The following CLK1 variants were observed in gnomAD, a reference collection of about 807,000 sequenced individuals.
CLK1 encodes dual specificity protein kinase CLK1.
A neutral mutation model predicts 60.9 loss-of-function variants in CLK1; 40 were observed. The observed-to-expected ratio is 0.66, with a 90% CI of 0.51 to 0.86. The LOEUF (loss-of-function observed/expected upper bound fraction) is 0.86, where lower values mean the gene tolerates loss of function less well. CLK1 is among the 40% of genes least tolerant of loss of function. The probability of loss-of-function intolerance (pLI) is 0.00; values close to 1 mark genes in which losing one functional copy is unlikely to be tolerated. For synonymous variants in CLK1, 203 were observed against 184.4 expected (o/e 1.10, Z -0.82); for missense variants, 563 against 606.1 (o/e 0.93, Z 0.75).
intron 12 of CLK1, 85 bp from the exon 13 acceptor site, chr2:200,853,534 A>G: frequency 3.2e-6 from 4 of 1,242,390 alleles, no homozygotes; most frequent in Non-Finnish European, 4.4e-6. Context: ...CCATATATAT[A>G]TAACCACCAT....
chr2:200,853,800 G>A (rs1575074451), intron 12 of CLK1, 103 bp downstream of exon 12: 5 of 803,134 alleles, frequency 6.2e-6, no homozygotes, highest in African/African-American at 1.8e-5. Context: ...GGCCAACATC[G>A]TGCCACTCTA....
In CLK1 at chr2:200,862,857, A is replaced by G. The variant is rs2039163669; in HGVS notation, c.1-995T>C. On this transcript the variant is annotated intron_variant, in intron 1 of 12. Transcript: ENST00000321356. ...CCGTAAACGGACAAATGAAACTACC[A>G]AGGACTTTAATCACACACGAAGGCA... is the stretch of plus-strand genomic sequence containing the variant. 2.6e-5 allele frequency among the ~76,000 whole-genome samples: 4 copies of G among 152,358 alleles called. No homozygotes were observed. In the South Asian group the frequency reaches 8.3e-4, roughly 32 times the overall value.
intron 1 of CLK1, among the ~76,000 whole-genome samples, chr2:200,862,221 CCT>C (rs1420418928): frequency 2.0e-5 from 3 of 152,172 alleles, no homozygotes; most frequent in Non-Finnish European, 4.4e-5. Flanking sequence ...CGCTGTCAGG[CCT>C]CTGAGCCCAA....
In CLK1 at chr2:200,860,178, T is replaced by C. The variant is rs1485058376; in HGVS notation, c.428A>G (p.Asp143Gly). ...HRRKRTRSVEDDEEGHLICQS... is the reference protein window; with the variant it reads ...HRRKRTRSVEGDEEGHLICQS... ...ACAGATCAGGTGACCCTCCTCATCA[T>C]CCTCTACACTCCTGGTTCTTTTCCT... Residue 143 changes from aspartate (D) to glycine (G), a missense_variant, in exon 4 of 13, where the codon GAT (aspartate) becomes GGT (glycine). Physicochemically the swap from Asp to Gly is moderately conservative, Grantham distance 94. Coordinates refer to ENST00000321356, the MANE Select transcript of CLK1 (RefSeq NM_004071.4). 1 of 1,614,092 alleles carries C rather than the reference T, an allele frequency of 6.2e-7. No homozygotes were observed. Among genetic ancestry groups the C allele is most frequent in the Admixed American group, 1.7e-5 (1 of 60,010 alleles).
Position 200,855,083 on chromosome 2 carries a change from A to AGGGCT in CLK1, c.1058-2_1060dup (p.Leu354GlnfsTer3). On this transcript the variant is annotated frameshift_variant, in exon 10 of 13. Coordinates refer to ENST00000321356, the MANE Select transcript of CLK1 (RefSeq NM_004071.4). LOFTEE classifies it high-confidence loss of function. ...GACATCACATGGTTGGGACCACCCTAGGGCTGCAAAGCAAAGCAAAATTTA... is the reference window on the plus strand; with the variant it reads ...GACATCACATGGTTGGGACCACCCTAGGGCTGGGCTGCAAAGCAAAGCAAAATTTA... The AGGGCT allele has an allele frequency of 6.3e-7, 1 of 1,592,328 alleles. No individual in the cohort carries two copies. The highest frequency in any genetic ancestry group is 1.4e-5 in the African/African-American group (1 of 73,554).
intron 11 of CLK1, 57 bp from the exon 12 acceptor site, chr2:200,854,050 G>A (rs949795467): frequency 1.4e-5 from 16 of 1,167,734 alleles, no homozygotes; most frequent in Admixed American, 1.9e-5. Flanking sequence ...AAAACAGCTA[G>A]CAAAGGTATC....
chr2:200,854,634 T>C lies in CLK1; in HGVS notation c.1202A>G (p.His401Arg), dbSNP rs1201974986. The change falls in exon 11 of 13, where the codon CAT (histidine) becomes CGT (arginine). Residue 401 changes from histidine (H) to arginine (R), a missense_variant. Physicochemically the swap from His to Arg is conservative, Grantham distance 29. Coordinates refer to ENST00000321356, the MANE Select transcript of CLK1 (RefSeq NM_004071.4). ...AACGTACCTGGTTTTCTGTATCATA[T>C]GTTTTGGTAGAGGTCCAAGAATCCT... Reference protein sequence around the residue: ...MERILGPLPKHMIQKTRKRKY... With the variant: ...MERILGPLPKRMIQKTRKRKY... 6.2e-7 allele frequency: 1 copy of C among 1,600,330 alleles called. No individual in the cohort carries two copies. Among genetic ancestry groups the C allele is most frequent in the African/African-American group, 1.3e-5 (1 of 74,786 alleles).
At position 200,861,444 on chromosome 2, in the gene CLK1, T is replaced by C. The variant is rs752872239; in HGVS notation, c.184A>G (p.Ile62Val). The change falls in exon 3 of 13, where the codon ATA (isoleucine) becomes GTA (valine). Residue 62 changes from isoleucine (I) to valine (V), a missense_variant. Ile to Val is a conservative substitution (Grantham distance 29, BLOSUM62 3). This residue lies in a region of CLK1 where 198 missense variants were observed against 179.2 expected (regional missense o/e 1.10). Transcript: ENST00000321356. ...CGACTATGATAATCTTTCTCATTTA[T>C]AGACCTGCTTTCCAAATAATGGCTA... ...CDSHYLESRS[I>V]NEKDYHSRRY... 13 of 1,612,954 alleles carry C rather than the reference T, an allele frequency of 8.1e-6. No homozygotes were observed. The highest frequency in any genetic ancestry group is 1.6e-4 in the Middle Eastern group (1 of 6,080).
At chr2:200,858,872 T>C (rs1171057056) in intron 5 of CLK1, among the ~76,000 whole-genome samples, 1 of 150,512 alleles carries the variant, frequency 6.6e-6, no homozygotes, top group East Asian at 2.0e-4. Context: ...AAAAATTCTA[T>C]ACTATCTTAA....
At chr2:200,856,648 A>G in intron 9 of CLK1, 34 bp downstream of exon 9, 1 of 1,532,188 alleles carries the variant, frequency 6.5e-7, no homozygotes, top group Non-Finnish European at 8.8e-7. Context: ...CAATAAGGAA[A>G]TACAAAGGTT....
chr2:200,864,007 C>G, intron 1 of CLK1: 2 of 1,386,304 alleles, frequency 1.4e-6, no homozygotes, highest in Non-Finnish European at 1.9e-6. Flanking sequence ...GTTAACACCA[C>G]TGAGGACAAA....
chr2:200,858,391 G>A (rs2039078959), intron 5 of CLK1, among the ~76,000 whole-genome samples: 1 of 152,174 alleles, frequency 6.6e-6, no homozygotes, highest in African/African-American at 2.4e-5. Context: ...GGATACAGTG[G>A]GGAAAGAGTA....
intron 11 of CLK1, 96 bp from the exon 12 acceptor site, chr2:200,854,089 C>G: frequency 1.3e-6 from 1 of 759,960 alleles, no homozygotes; most frequent in Non-Finnish European, 2.1e-6. Context: ...GATCACTTTT[C>G]TAGAGATTTA....
chr2:200,861,409 A>G lies in CLK1; in HGVS notation c.219T>C (p.Ile73=), dbSNP rs2105741563. 1 of 1,614,082 alleles carries G rather than the reference A, an allele frequency of 6.2e-7. No individual in the cohort carries two copies. The highest frequency in any genetic ancestry group is 1.6e-4 in the Middle Eastern group (1 of 6,062). The change falls in exon 3 of 13, where the codon ATT becomes ATC. Residue 73 remains isoleucine, a synonymous_variant. Transcript: ENST00000321356. ...NEKDYHSRRY[I]DEYRNDYTQG... ...GAGTGTAGTCATTTCTGTACTCATCAATGTAGCGTCGACTATGATAATCTT... is the reference window on the plus strand; with the variant it reads ...GAGTGTAGTCATTTCTGTACTCATCGATGTAGCGTCGACTATGATAATCTT...
intron 9 of CLK1, among the ~76,000 whole-genome samples, chr2:200,855,525 T>G (rs1388941708): frequency 2.1e-4 from 32 of 152,088 alleles, no homozygotes; most frequent in Non-Finnish European, 2.9e-5. Flanking sequence ...CTCAGGAGGC[T>G]GAGGTGGGAC....
chr2:200,858,096 G>A lies in CLK1; in HGVS notation c.549-7C>T, dbSNP rs1466034333. ...TGCTACATGTCTACCTCCCCTGTTA[G>A]AAAGATGCATGCAAATTTAAGAATG... On this transcript the variant is annotated splice_polypyrimidine_tract_variant and splice_region_variant and intron_variant, in intron 5 of 12. Coordinates refer to ENST00000321356, the MANE Select transcript of CLK1 (RefSeq NM_004071.4). 6.4e-7 allele frequency: 1 copy of A among 1,555,530 alleles called. No homozygotes were observed. Among genetic ancestry groups the A allele is most frequent in the Non-Finnish European group, 8.9e-7 (1 of 1,126,738 alleles).
intron 5 of CLK1, among the ~76,000 whole-genome samples, chr2:200,859,270 T>C (rs2039096054): frequency 1.3e-5 from 2 of 152,186 alleles, no homozygotes; most frequent in Non-Finnish European, 1.5e-5. Context: ...GTTATCAGAA[T>C]GAATTACAGC....
intron 1 of CLK1, 148 bp downstream of exon 1, chr2:200,864,416 A>C: frequency 8.4e-6 from 6 of 716,858 alleles, no homozygotes; most frequent in Non-Finnish European, 1.3e-5. Flanking sequence ...GCGCGCCGCC[A>C]CTGTGCAGCC....
Position 200,854,001 on chromosome 2 carries a change from T to G in CLK1, c.1221-8A>C. On this transcript the variant is annotated splice_region_variant and splice_polypyrimidine_tract_variant and intron_variant, in intron 11 of 12. Transcript: ENST00000321356. ...TGAAAATATTTACGTTTCCTAAAAA[T>G]AAGTCAATATCCATTCATGTTTATA... The G allele has an allele frequency of 6.3e-7, 1 of 1,588,592 alleles. No homozygotes were observed. The highest frequency in any genetic ancestry group is 8.6e-7 in the Non-Finnish European group (1 of 1,159,182).
Sources: gnomAD v4.1 joint callset for allele counts (sites outside exome capture counted in the v4.1 genomes callset) on GRCh38, gnomAD v4.1.1 for gene constraint, gnomAD v4.1.1 regional missense constraint, MANE v1.5 for transcripts, NCBI Gene and HGNC (gene_info 2026-07-23, HGNC 2026-07-21) for gene names.